Variants in NEGR1 observed in about 807,000 individuals in gnomAD.
The protein encoded by NEGR1 is neuronal growth regulator 1, also known as IgLON family member 4.
Under a neutral mutation model 40.9 loss-of-function variants are expected in NEGR1, and 10 were observed. The ratio of observed to expected loss-of-function variants is 0.24; its 90% CI spans 0.15 to 0.42. The LOEUF (loss-of-function observed/expected upper bound fraction) is 0.42, where lower values mean the gene tolerates loss of function less well. Ranked by LOEUF, NEGR1 falls within the 10% of genes least tolerant of loss-of-function variation. The probability of loss-of-function intolerance (pLI) is 1.00; values close to 1 mark genes in which losing one functional copy is unlikely to be tolerated. For missense variants in NEGR1, 352 were observed against 438.9 expected (o/e 0.80, Z 1.77); for synonymous variants, 185 against 166.8 (o/e 1.11, Z -0.84).
chr1:71,735,791 A>G (rs1422840714), intron 3 of NEGR1, among the ~76,000 whole-genome samples: 1 of 152,092 alleles, frequency 6.6e-6, no homozygotes, highest in Non-Finnish European at 1.5e-5. Context: ...CTTTTTGATG[A>G]CAGGTACTAG....
chr1:71,931,973 G>T (rs953989737), intron 2 of NEGR1, among the ~76,000 whole-genome samples: 1 of 152,062 alleles, frequency 6.6e-6, no homozygotes, highest in Non-Finnish European at 1.5e-5. Context: ...TCAAAACCAT[G>T]TTATATATAG....
At position 72,045,249 on chromosome 1, in the gene NEGR1, A is replaced by G. The variant is rs978521478; in HGVS notation, c.177-109938T>C. Among the ~76,000 whole-genome samples, 5 of 151,878 alleles carry G rather than the reference A, an allele frequency of 3.3e-5. No individual in the cohort carries two copies. In the South Asian group the frequency reaches 8.3e-4, roughly 25 times the overall value. ...ATTGGAAAGTGCATACTAGGACCAT[A>G]AAGTATTATGAGACAATCTTTAGCA... On this transcript the variant is annotated intron_variant, in intron 1 of 6. Transcript: ENST00000357731.
chr1:71,751,485 C>G (rs575180622), intron 3 of NEGR1, among the ~76,000 whole-genome samples: 1 of 152,282 alleles, frequency 6.6e-6, no homozygotes, highest in Admixed American at 6.5e-5. Context: ...ACACATTTCC[C>G]CATTGTTTGA....
intron 1 of NEGR1, among the ~76,000 whole-genome samples, chr1:72,012,123 G>A (rs1401850865): frequency 6.6e-6 from 1 of 152,072 alleles, no homozygotes; most frequent in Non-Finnish European, 1.5e-5. Context: ...TATTATATTA[G>A]TATGTTAGAA....
intron 4 of NEGR1, among the ~76,000 whole-genome samples, chr1:71,653,938 A>G (rs1409329516): frequency 6.6e-6 from 1 of 152,146 alleles, no homozygotes; most frequent in Non-Finnish European, 1.5e-5. Context: ...TTTCCACTTC[A>G]TGACACCTCA....
At chr1:71,797,221 G>A (rs923797638) in intron 2 of NEGR1, among the ~76,000 whole-genome samples, 1 of 152,040 alleles carries the variant, frequency 6.6e-6, no homozygotes, top group Non-Finnish European at 1.5e-5. Flanking sequence ...CTATGAATTA[G>A]GAATTATTAA....
chr1:72,115,806 G>A (rs576033168), intron 1 of NEGR1, among the ~76,000 whole-genome samples: 4 of 151,836 alleles, frequency 2.6e-5, no homozygotes, highest in Non-Finnish European at 4.4e-5. Flanking sequence ...TGTTGAGGGT[G>A]TTAAGTCTTT....
chr1:71,881,413 C>T (rs1340492906), intron 2 of NEGR1, among the ~76,000 whole-genome samples: 1 of 152,046 alleles, frequency 6.6e-6, no homozygotes, highest in East Asian at 1.9e-4. Flanking sequence ...AGTCTGAAAT[C>T]TCAGTTTAAA....
intron 4 of NEGR1, among the ~76,000 whole-genome samples, chr1:71,685,200 G>A (rs1227583845): frequency 1.3e-5 from 2 of 151,764 alleles, no homozygotes; most frequent in African/African-American, 2.4e-5. Flanking sequence ...TTCCCATTTG[G>A]CTACAAGTAA....
At chr1:71,757,528 G>A (rs962084063) in intron 3 of NEGR1, among the ~76,000 whole-genome samples, 1 of 152,020 alleles carries the variant, frequency 6.6e-6, no homozygotes, top group African/African-American at 2.4e-5. Flanking sequence ...GGAAGCTATA[G>A]CTGTGTGAAA....
intron 1 of NEGR1, among the ~76,000 whole-genome samples, chr1:72,205,571 T>G (rs1653364194): frequency 6.7e-6 from 1 of 150,248 alleles, no homozygotes; most frequent in African/African-American, 2.4e-5. Context: ...TTTAATCAAC[T>G]TAAACTTTAC....
chr1:72,278,255 C>G (rs1412959767), intron 1 of NEGR1, among the ~76,000 whole-genome samples: 3 of 152,018 alleles, frequency 2.0e-5, no homozygotes, highest in African/African-American at 7.2e-5. Context: ...AAGAATCTTT[C>G]TTCCTTTCTT....
At chr1:71,818,352 C>T (rs1311270381) in intron 2 of NEGR1, among the ~76,000 whole-genome samples, 1 of 151,800 alleles carries the variant, frequency 6.6e-6, no homozygotes, top group African/African-American at 2.4e-5. Context: ...TACTATGCAG[C>T]CATTAAAAAA....
At chr1:71,525,321 G>A (rs566365141) in intron 6 of NEGR1, among the ~76,000 whole-genome samples, 69 of 151,740 alleles carry the variant, frequency 4.5e-4, no homozygotes, top group African/African-American at 1.5e-3. Context: ...AATTTTGGGG[G>A]GAAATTCTAT....
At chr1:71,471,814 T>C (rs2101357559) in intron 6 of NEGR1, among the ~76,000 whole-genome samples, 1 of 152,236 alleles carries the variant, frequency 6.6e-6, no homozygotes, top group Admixed American at 6.5e-5. Context: ...CAACAGATTG[T>C]GTCAGTGACG....
intron 5 of NEGR1, among the ~76,000 whole-genome samples, chr1:71,609,554 A>AAAAAAAAAAAAAAAC: frequency 7.0e-6 from 1 of 142,274 alleles, no homozygotes; most frequent in Non-Finnish European, 1.5e-5. Flanking sequence ...AAAAAAAAAA[A>AAAAAAAAAAAAAAAC]AAGAAATGAG....
intron 2 of NEGR1, among the ~76,000 whole-genome samples, chr1:71,853,711 A>C (rs1659679938): frequency 6.6e-6 from 1 of 152,168 alleles, no homozygotes; most frequent in Non-Finnish European, 1.5e-5. Flanking sequence ...CAGATCCAGA[A>C]AGGGTCAAGA....
intron 6 of NEGR1, among the ~76,000 whole-genome samples, chr1:71,567,324 A>G (rs1648651929): frequency 6.6e-6 from 1 of 152,148 alleles, no homozygotes; most frequent in Admixed American, 6.5e-5. Flanking sequence ...AGATTCTGCT[A>G]TGAATGTGGT....
At chr1:72,254,528 C>T (rs1655201414) in intron 1 of NEGR1, among the ~76,000 whole-genome samples, 1 of 151,814 alleles carries the variant, frequency 6.6e-6, no homozygotes, top group African/African-American at 2.4e-5. Context: ...CGATGAAACC[C>T]CATCTCTACT....
Sources: allele counts gnomAD v4.1 joint callset (sites outside exome capture counted in the v4.1 genomes callset), GRCh38; gene constraint gnomAD v4.1.1; transcripts MANE v1.5; gene names NCBI Gene and HGNC (gene_info 2026-07-23, HGNC 2026-07-21).